Variants in PAN2 observed in about 807,000 individuals in gnomAD.
The protein encoded by PAN2 is poly(A) specific ribonuclease subunit PAN2, also known as PAN2-PAN3 deadenylation complex catalytic subunit PAN2.
Under a neutral mutation model 133.3 loss-of-function variants are expected in PAN2, and 68 were observed. The ratio of observed to expected loss-of-function variants is 0.51; its 90% CI spans 0.42 to 0.62. The LOEUF is 0.62. Among genes scored for constraint, PAN2 ranks in the 20% least tolerant of loss-of-function variants. The pLI is 0.00. For synonymous variants in PAN2, 462 were observed against 544.6 expected, an observed-to-expected ratio of 0.85 and a Z score of 2.11; for missense variants, 1,042 against 1,500.5, an observed-to-expected ratio of 0.69 and a Z score of 5.05.
In PAN2 at chr12:56,327,645, AT is replaced by A. The variant is rs1875268520; in HGVS notation, c.652-15del. 1.2e-6 allele frequency: 2 copies of A among 1,610,782 alleles called. No homozygotes were observed. The highest frequency in any genetic ancestry group is 1.7e-6 in the Non-Finnish European group (2 of 1,177,916). On this transcript the variant is annotated splice_polypyrimidine_tract_variant and intron_variant, in intron 5 of 25. Transcript: ENST00000440411. ...TCTCAGGGAAACCTAGAAAAAAAAAATTCAGTTATCTGCAAATTCTGTTATC... is the reference window on the plus strand; with the variant it reads ...TCTCAGGGAAACCTAGAAAAAAAAAATCAGTTATCTGCAAATTCTGTTATC...
intron 6 of PAN2, 21 bp downstream of exon 6, chr12:56,327,343 A>G: frequency 6.2e-7 from 1 of 1,613,032 alleles, no homozygotes. Context: ...CCTCCTACCC[A>G]ATCCCATATG....
chr12:56,324,442 C>T lies in PAN2; in HGVS notation c.1780G>A (p.Gly594Ser), dbSNP rs200653287. 23 of 1,614,026 alleles carry T rather than the reference C, an allele frequency of 1.4e-5. No homozygotes were observed. Among genetic ancestry groups the T allele is most frequent in the Admixed American group, 1.7e-5 (1 of 59,990 alleles). Reference protein sequence around the residue: ...FRTIPEASALGLILADSDEAS... With the variant: ...FRTIPEASALSLILADSDEAS... ...TCATCTGAGTCAGCCAGGATTAGAC[C>T]GAGGGCTGAGGCCTCAGGAATAGTA... Residue 594 changes from glycine (G) to serine (S), a missense_variant, in exon 12 of 26, where the codon GGT (glycine) becomes AGT (serine). Physicochemically the swap from Gly to Ser is moderately conservative, Grantham distance 56 (BLOSUM62 0). Around this residue, in one of 3 missense-constraint regions of PAN2, gnomAD observed 908 missense variants for 1,223.5 expected, o/e 0.74. Transcript: ENST00000440411.
chr12:56,323,470 G>A (rs746224340), intron 15 of PAN2, 30 bp downstream of exon 15: 14 of 1,609,632 alleles, frequency 8.7e-6, no homozygotes, highest in African/African-American at 5.3e-5. Flanking sequence ...AAATTATTCC[G>A]GAAGCCTTGT....
intron 24 of PAN2, among the ~76,000 whole-genome samples, chr12:56,318,751 G>C (rs745593321): frequency 2.6e-5 from 4 of 151,916 alleles, no homozygotes; most frequent in Non-Finnish European, 5.9e-5. Flanking sequence ...TTTGTTACAT[G>C]GGTGTATCGT....
In PAN2 at chr12:56,333,853, G is replaced by A. The variant is rs1876193170; in HGVS notation, c.-115+9C>T. The A allele has an allele frequency of 6.6e-6, 1 of 152,220 alleles. No homozygotes were observed. The highest frequency in any genetic ancestry group is 6.5e-5 in the Admixed American group (1 of 15,268). 9.4% of individuals were successfully genotyped at this position (152,220 alleles called of 1,614,324 possible). ...GTTCCTGGGATGCTTACGGGGAATG[G>A]GTCATTACCAAGATTTCTCCATGGC... On this transcript the variant is annotated intron_variant, in intron 1 of 25. Transcript: ENST00000440411.
At position 56,327,347 on chromosome 12, in the gene PAN2, C is replaced by G. The variant is rs766238843; in HGVS notation, c.919+17G>C. Reference sequence around the variant, plus strand: ...GCTCATCGATCCCTCCTACCCAATCCCATATGCCCTTCATACCTGACTGAG... The same window carrying G: ...GCTCATCGATCCCTCCTACCCAATCGCATATGCCCTTCATACCTGACTGAG... On this transcript the variant is annotated intron_variant, in intron 6 of 25. Transcript: ENST00000440411. 1.9e-6 allele frequency: 3 copies of G among 1,613,128 alleles called. No homozygotes were observed. The African/African-American group carries it at 4.0e-5, about 22-fold the overall frequency.
At chr12:56,321,185 C>G (rs535603867) in intron 20 of PAN2, among the ~76,000 whole-genome samples, 1 of 151,882 alleles carries the variant, frequency 6.6e-6, no homozygotes, top group South Asian at 2.1e-4. Context: ...CTCAGCTTCT[C>G]CAATAGCTGG....
At chr12:56,330,137 C>T (rs1875593151) in intron 2 of PAN2, among the ~76,000 whole-genome samples, 1 of 152,094 alleles carries the variant, frequency 6.6e-6, no homozygotes, top group Non-Finnish European at 1.5e-5. Context: ...GGAGCTCTGC[C>T]TCTTTGTTCC....
intron 1 of PAN2, 140 bp from the exon 2 acceptor site, chr12:56,333,348 A>G (rs1000656721): frequency 2.2e-6 from 1 of 460,744 alleles, no homozygotes; most frequent in Non-Finnish European, 4.0e-6. Context: ...CAGGCGGGGG[A>G]GGGATGGGCA....
chr12:56,324,821 A>C (rs1246281463), intron 10 of PAN2, 112 bp from the exon 11 acceptor site: 4 of 1,431,256 alleles, frequency 2.8e-6, no homozygotes, highest in Admixed American at 4.7e-5. Context: ...AGTCCACCGA[A>C]GCAGTGAGTC....
chr12:56,325,135 T>G lies in PAN2; in HGVS notation c.1480-7A>C. On this transcript the variant is annotated splice_region_variant and splice_polypyrimidine_tract_variant and intron_variant, in intron 9 of 25. Coordinates refer to ENST00000440411, the MANE Select transcript of PAN2 (RefSeq NM_014871.6). Reference sequence around the variant, plus strand: ...TGGAATATTTGATGGTCACCTAAGGTAGAAATTGTCTGAGCAAGACAAGGA... The same window carrying G: ...TGGAATATTTGATGGTCACCTAAGGGAGAAATTGTCTGAGCAAGACAAGGA... The G allele has an allele frequency of 6.2e-7, 1 of 1,613,426 alleles. No individual in the cohort carries two copies. The highest frequency in any genetic ancestry group is 8.5e-7 in the Non-Finnish European group (1 of 1,179,620).
chr12:56,323,077 A>G lies in PAN2; in HGVS notation c.2478T>C (p.Asp826=), dbSNP rs745361470. 1 of 1,613,796 alleles carries G rather than the reference A, an allele frequency of 6.2e-7. No individual in the cohort carries two copies. Among genetic ancestry groups the G allele is most frequent in the Non-Finnish European group, 8.5e-7 (1 of 1,180,024 alleles). ...NKGLDVCNWT[D]GDEMQWGPAR... ...TTTCAACAACCTGCATCTCATCCCC[A>G]TCAGTCCAATTGCAAACATCCAGCC... is the stretch of plus-strand genomic sequence containing the variant. Residue 826 remains aspartate, a synonymous_variant, in exon 17 of 26, where the codon GAT becomes GAC. Coordinates refer to ENST00000440411, the MANE Select transcript of PAN2 (RefSeq NM_014871.6).
chr12:56,326,446 T>A (rs956575442), intron 7 of PAN2, 37 bp from the exon 8 acceptor site: 2 of 1,545,358 alleles, frequency 1.3e-6, no homozygotes, highest in African/African-American at 2.7e-5. Context: ...TAAAGAGTTG[T>A]GGTGTACACT....
At chr12:56,333,243 G>T in intron 1 of PAN2, 35 bp from the exon 2 acceptor site, 1 of 765,132 alleles carries the variant, frequency 1.3e-6, no homozygotes, top group Non-Finnish European at 2.1e-6. Context: ...GTCAAGGGTA[G>T]GCCCAGGTAC....
In PAN2 at chr12:56,323,930, T is replaced by C. The variant is rs748619990; in HGVS notation, c.2066-17A>G. ...CAGTTTTATCTGAGGGAAAATTAGA[T>C]GCTATACTCCTGGTTCTCCCCTCTA... On this transcript the variant is annotated splice_polypyrimidine_tract_variant and intron_variant, in intron 13 of 25. Transcript: ENST00000440411. 1.3e-5 allele frequency: 21 copies of C among 1,607,146 alleles called. No individual in the cohort carries two copies. The highest frequency in any genetic ancestry group is 1.8e-5 in the Non-Finnish European group (21 of 1,173,744).
At chr12:56,327,957 A>G (rs1565636586) in intron 5 of PAN2, 38 bp downstream of exon 5, 1 of 1,613,138 alleles carries the variant, frequency 6.2e-7, no homozygotes, top group Non-Finnish European at 8.5e-7. Flanking sequence ...CTAGTGAAAC[A>G]GGGCCCTGCA....
intron 2 of PAN2, among the ~76,000 whole-genome samples, chr12:56,330,538 TTTAG>T (rs1399895614): frequency 6.6e-6 from 1 of 150,904 alleles, no homozygotes; most frequent in Non-Finnish European, 1.5e-5. Flanking sequence ...TTTTTGTATT[TTTAG>T]TAGAGACGGG....
chr12:56,321,284 A>G (rs1874501188), intron 20 of PAN2, among the ~76,000 whole-genome samples: 1 of 148,352 alleles, frequency 6.7e-6, no homozygotes, highest in Non-Finnish European at 1.5e-5. Context: ...GCTGGAGTGC[A>G]ATGATGCAAT....
chr12:56,322,263 GT>G, intron 19 of PAN2, 95 bp from the exon 20 acceptor site: 8 of 1,078,716 alleles, frequency 7.4e-6, no homozygotes, highest in Admixed American at 2.0e-5. Flanking sequence ...GCTAGTTTTT[GT>G]TTTTTTTCAG....
Sources: gnomAD v4.1 joint callset for allele counts (sites outside exome capture counted in the v4.1 genomes callset) on GRCh38, gnomAD v4.1.1 for gene constraint, gnomAD v4.1.1 regional missense constraint, MANE v1.5 for transcripts, NCBI Gene and HGNC (gene_info 2026-07-23, HGNC 2026-07-21) for gene names.